Variants in HORMAD2 observed in about 807,000 individuals in gnomAD.
The protein encoded by HORMAD2 is HORMA domain containing 2.
A neutral mutation model predicts 38.8 loss-of-function variants in HORMAD2; 45 were observed. The observed-to-expected ratio is 1.16, with a 90% confidence interval of 0.91 to 1.49. The LOEUF is 1.49. Ranked by LOEUF, HORMAD2 falls within the 40% of genes most tolerant of loss-of-function variation. The pLI, the probability that HORMAD2 is intolerant of heterozygous loss-of-function variation, is 0.00. For missense variants in HORMAD2, 338 were observed against 367.0 expected (o/e 0.92, Z 0.65); for synonymous variants, 126 against 122.8 (o/e 1.03, Z -0.17).
the HORMAD2 span, among the ~76,000 whole-genome samples, chr22:30,186,802 C>T: frequency 6.6e-6 from 1 of 152,006 alleles, no homozygotes; most frequent in Non-Finnish European, 1.5e-5. Flanking sequence ...GGTCAAGGAT[C>T]CTTTCAGTTC....
intron 1 of HORMAD2, among the ~76,000 whole-genome samples, chr22:30,088,158 C>CAT (rs1569079551): frequency 2.2e-4 from 28 of 129,280 alleles, no homozygotes; most frequent in Non-Finnish European, 3.3e-5. Context: ...TATGTATACA[C>CAT]GTATACCTAT....
chr22:30,180,992 C>T (rs1213050578), downstream of HORMAD2, among the ~76,000 whole-genome samples: 1 of 140,284 alleles, frequency 7.1e-6, no homozygotes, highest in African/African-American at 2.7e-5. Flanking sequence ...CTCCCCTCTC[C>T]TCCCCTAACC....
At chr22:30,087,741 C>T (rs1438054554) in intron 1 of HORMAD2, among the ~76,000 whole-genome samples, 6 of 151,652 alleles carry the variant, frequency 4.0e-5, no homozygotes, top group Non-Finnish European at 7.4e-5. Context: ...AAAGGTTCTA[C>T]ACACCTTTAA....
At chr22:30,156,497 G>A (rs1417481890) in intron 10 of HORMAD2, among the ~76,000 whole-genome samples, 1 of 152,122 alleles carries the variant, frequency 6.6e-6, no homozygotes, top group Non-Finnish European at 1.5e-5. Context: ...TTGTTCAAAT[G>A]CTTTGGTATT....
chr22:30,198,343 CAAG>C, the HORMAD2 span, among the ~76,000 whole-genome samples: 4 of 152,158 alleles, frequency 2.6e-5, no homozygotes, highest in Admixed American at 2.0e-4. Context: ...TATAACTAAG[CAAG>C]AAGTAGCAGC....
At chr22:30,159,909 G>T in intron 10 of HORMAD2, among the ~76,000 whole-genome samples, 1 of 151,992 alleles carries the variant, frequency 6.6e-6, no homozygotes, top group African/African-American at 2.4e-5. Flanking sequence ...ACACTGCTCT[G>T]GCATTCTCCC....
the HORMAD2 span, among the ~76,000 whole-genome samples, chr22:30,204,375 G>A: frequency 6.6e-6 from 1 of 152,190 alleles, no homozygotes; most frequent in Non-Finnish European, 1.5e-5. Context: ...TCCAAAAAGG[G>A]TGGTTAACAC....
rs138638212 is a variant in HORMAD2, at chr22:30,109,443, A to G, written c.295-2353A>G. On this transcript the variant is annotated intron_variant, in intron 5 of 10. Transcript: ENST00000336726. ...AACAATCCTCCTGCCTCAGCCTCCC[A>G]AGTAGCTAGGACCACAAGTGTGCAC... is the stretch of plus-strand genomic sequence containing the variant. 2.3e-3 allele frequency among the ~76,000 whole-genome samples: 350 copies of G among 152,026 alleles called. 2 individuals are homozygous for G. The highest frequency in any genetic ancestry group is 8.3e-3 in the African/African-American group (346 of 41,482).
chr22:30,117,961 A>G (rs1052748189), intron 7 of HORMAD2, among the ~76,000 whole-genome samples: 5 of 152,218 alleles, frequency 3.3e-5, no homozygotes, highest in East Asian at 1.9e-4. Flanking sequence ...ACTTGATATC[A>G]GAGATCAGGG....
At chr22:30,198,746 A>G in the HORMAD2 span, among the ~76,000 whole-genome samples, 1 of 152,186 alleles carries the variant, frequency 6.6e-6, no homozygotes. Context: ...CCCTGTGACT[A>G]TACCATGGCA....
the HORMAD2 span, among the ~76,000 whole-genome samples, chr22:30,188,443 T>C: frequency 6.6e-6 from 1 of 152,180 alleles, no homozygotes; most frequent in Non-Finnish European, 1.5e-5. Context: ...GCTGCATTGA[T>C]TCTCACTCTT....
intron 2 of HORMAD2, among the ~76,000 whole-genome samples, chr22:30,096,726 C>T (rs2068788991): frequency 6.6e-6 from 1 of 152,148 alleles, no homozygotes; most frequent in African/African-American, 2.4e-5. Flanking sequence ...ACCCCAGCCT[C>T]CCAAAGTGCT....
chr22:30,166,174 G>T (rs1314104028), intron 10 of HORMAD2, among the ~76,000 whole-genome samples: 1 of 151,760 alleles, frequency 6.6e-6, no homozygotes, highest in East Asian at 1.9e-4. Context: ...ATTAATCTTG[G>T]GAAACTTATT....
At chr22:30,106,122 T>C (rs1239158819) in intron 5 of HORMAD2, among the ~76,000 whole-genome samples, 1 of 152,182 alleles carries the variant, frequency 6.6e-6, no homozygotes, top group East Asian at 1.9e-4. Flanking sequence ...GCGATGCTGC[T>C]GCCTCAGCCT....
chr22:30,118,865 C>CTA, intron 7 of HORMAD2, 115 bp from the exon 8 acceptor site: 1 of 684,222 alleles, frequency 1.5e-6, no homozygotes, highest in Non-Finnish European at 2.6e-6. Flanking sequence ...AAACAAACAG[C>CTA]TATATAGGAA....
chr22:30,178,811 G>A (rs1488213859), downstream of HORMAD2, among the ~76,000 whole-genome samples: 9 of 152,186 alleles, frequency 5.9e-5, no homozygotes, highest in Admixed American at 5.9e-4. Context: ...AAAAAGTTAT[G>A]TAGGGGAAAT....
chr22:30,148,181 A>G (rs1448889358), intron 10 of HORMAD2, among the ~76,000 whole-genome samples: 2 of 152,262 alleles, frequency 1.3e-5, no homozygotes, highest in East Asian at 3.8e-4. Flanking sequence ...AACAAATGAT[A>G]CATGCAAAAC....
At chr22:30,130,703 A>C (rs991531699) in intron 10 of HORMAD2, among the ~76,000 whole-genome samples, 6 of 144,428 alleles carry the variant, frequency 4.2e-5, no homozygotes, top group African/African-American at 1.5e-4. Flanking sequence ...CCATTCTTCT[A>C]CCTCAGCCAC....
At chr22:30,180,338 C>G (rs1309419589), downstream of HORMAD2, among the ~76,000 whole-genome samples, 1 of 152,112 alleles carries the variant, frequency 6.6e-6, no homozygotes, top group Non-Finnish European at 1.5e-5. Context: ...GTCTCAGACA[C>G]TTAGAAACCT....
Sources: gnomAD v4.1 joint callset for allele counts (sites outside exome capture counted in the v4.1 genomes callset) on GRCh38, gnomAD v4.1.1 for gene constraint, MANE v1.5 for transcripts, NCBI Gene and HGNC (gene_info 2026-07-23, HGNC 2026-07-21) for gene names.